SEC22C: variants seen among roughly 807,000 people sequenced by gnomAD.
The protein encoded by SEC22C is SEC22 homolog C, vesicle trafficking protein.
In SEC22C, 29 loss-of-function variants were observed where a neutral mutation model predicts 34.7. The ratio of observed to expected loss-of-function variants is 0.84; its 90% CI spans 0.62 to 1.14. The LOEUF is 1.14. Ranked by LOEUF, SEC22C falls within the 50% of genes most tolerant of loss-of-function variation. The pLI, the probability that SEC22C is intolerant of heterozygous loss-of-function variation, is 0.00. For missense variants in SEC22C, 337 were observed against 369.0 expected (o/e 0.91, Z 0.71); for synonymous variants, 117 against 132.8 (o/e 0.88, Z 0.82).
Position 42,552,861 on chromosome 3 carries a change from AGTGGTTCC to A in SEC22C, c.*379_*386del, listed in dbSNP as rs979373694. On this transcript the variant is annotated 3_prime_UTR_variant, in exon 7 of 7. Transcript: ENST00000264454. ...GACTGAAAGCTGATTTGGATTTTAAAGTGGTTCCTTGGAGACAACTCTCAATGACTAAA... is the reference window on the plus strand; with the variant it reads ...GACTGAAAGCTGATTTGGATTTTAAATTGGAGACAACTCTCAATGACTAAA... 19 of 1,027,388 alleles carry A rather than the reference AGTGGTTCC, an allele frequency of 1.8e-5. 1 individual carries two copies. The Admixed American group carries it at 1.0e-3, about 54-fold the overall frequency. 63.6% of individuals were successfully genotyped at this position (1,027,388 alleles called of 1,614,324 possible).
intron 2 of SEC22C, among the ~76,000 whole-genome samples, chr3:42,567,103 G>T (rs1559520880): frequency 6.6e-6 from 1 of 152,086 alleles, no homozygotes; most frequent in African/African-American, 2.4e-5. Context: ...TAGAGATGGG[G>T]TCTTATCATA....
Position 42,553,100 on chromosome 3 carries a change from G to C in SEC22C, c.*148C>G. The C allele has an allele frequency of 1.4e-6, 2 of 1,446,906 alleles. No homozygotes were observed. The highest frequency in any genetic ancestry group is 1.8e-6 in the Non-Finnish European group (2 of 1,107,406). The allele number at this position is 1,446,906 out of a possible 1,614,324, so 89.6% of individuals were successfully genotyped here. A position where few individuals can be genotyped will look rare whatever the true frequency, so the allele number is the denominator to read the frequency against. On this transcript the variant is annotated 3_prime_UTR_variant, in exon 7 of 7. Coordinates refer to ENST00000264454, the MANE Select transcript of SEC22C (RefSeq NM_032970.4). The stretch of plus-strand genomic sequence containing the variant: ...ATCAAGCAACCTCATGACTTCCACT[G>C]CAACTGTTTAACATCCCCAATTCCT...
At chr3:42,560,287 T>G (rs1702821452) in intron 4 of SEC22C, among the ~76,000 whole-genome samples, 1 of 148,246 alleles carries the variant, frequency 6.7e-6, no homozygotes, top group Non-Finnish European at 1.5e-5. Context: ...AACTTGTAGT[T>G]CTGTCAGAAC....
chr3:42,575,459 AT>A (rs1703901553), intron 1 of SEC22C, among the ~76,000 whole-genome samples: 1 of 152,236 alleles, frequency 6.6e-6, no homozygotes, highest in African/African-American at 2.4e-5. Flanking sequence ...GCAAACATTA[AT>A]CAAAAGAAGC....
Position 42,548,598 on chromosome 3 carries a change from G to C in SEC22C, c.*4650C>G, listed in dbSNP as rs917314121. 1 of 1,613,460 alleles carries C rather than the reference G, an allele frequency of 6.2e-7. No homozygotes were observed. Among genetic ancestry groups the C allele is most frequent in the Admixed American group, 1.7e-5 (1 of 60,018 alleles). Reference sequence around the variant, plus strand: ...GGGAGAATCAGAGCTCTCCTCATTTGGGTCAGGGGTGGCTGGCTCACGAGG... The same window carrying C: ...GGGAGAATCAGAGCTCTCCTCATTTCGGTCAGGGGTGGCTGGCTCACGAGG... On this transcript the variant is annotated 3_prime_UTR_variant, in exon 7 of 7. Coordinates refer to ENST00000264454, the MANE Select transcript of SEC22C (RefSeq NM_032970.4).
At position 42,550,868 on chromosome 3, in the gene SEC22C, C is replaced by A; in HGVS notation, c.*2380G>T. 5.5e-6 allele frequency: 5 copies of A among 914,056 alleles called. No individual in the cohort carries two copies. The highest frequency in any genetic ancestry group is 6.4e-6 in the Non-Finnish European group (5 of 783,880). The allele number at this position is 914,056 out of a possible 1,614,324, so 56.6% of individuals were successfully genotyped here. A position where few individuals can be genotyped will look rare whatever the true frequency, so the allele number is the denominator to read the frequency against. On this transcript the variant is annotated 3_prime_UTR_variant, in exon 7 of 7. Transcript: ENST00000264454. Reference sequence around the variant, plus strand: ...TCCATTTTTAAGCCGTTCTTACCGACTTTTTTTTTTTTTTTTTTTGAGACG... The same window carrying A: ...TCCATTTTTAAGCCGTTCTTACCGAATTTTTTTTTTTTTTTTTTTGAGACG...
chr3:42,560,180 AAT>A (rs1226758345), intron 4 of SEC22C, among the ~76,000 whole-genome samples: 45 of 145,102 alleles, frequency 3.1e-4, no homozygotes, highest in African/African-American at 1.1e-3. Flanking sequence ...TTTTATATAT[AAT>A]ATATATATTA....
chr3:42,553,518 C>T, intron 6 of SEC22C, 70 bp from the exon 7 acceptor site: 1 of 1,550,128 alleles, frequency 6.5e-7, no homozygotes, highest in Non-Finnish European at 8.7e-7. Flanking sequence ...CAAAATTCAC[C>T]TCCCACAGCT....
chr3:42,588,792 C>A (rs1051101091), intron 1 of SEC22C, among the ~76,000 whole-genome samples: 1 of 152,096 alleles, frequency 6.6e-6, no homozygotes, highest in African/African-American at 2.4e-5. Context: ...AGACCTGTAT[C>A]CTGCTCCTGA....
chr3:42,561,399 G>T (rs1048260331), intron 3 of SEC22C, 103 bp from the exon 4 acceptor site: 1 of 1,201,718 alleles, frequency 8.3e-7, no homozygotes, highest in East Asian at 2.5e-5. Context: ...TGAAGATAGG[G>T]TCTCACTGTC....
rs1224261797 is a variant in SEC22C at position 42,549,944 on chromosome 3, C to G, written c.*3304G>C. ...GCTGCAGGCAGTGGGGCCTCTGGTACTGAGAGGGAATGCCACCCGAATATG... is the reference window on the plus strand; with the variant it reads ...GCTGCAGGCAGTGGGGCCTCTGGTAGTGAGAGGGAATGCCACCCGAATATG... On this transcript the variant is annotated 3_prime_UTR_variant, in exon 7 of 7. Coordinates refer to ENST00000264454, the MANE Select transcript of SEC22C (RefSeq NM_032970.4). 1.0e-6 allele frequency: 1 copy of G among 985,374 alleles called. No individual in the cohort carries two copies. The highest frequency in any genetic ancestry group is 6.1e-5 in the Admixed American group (1 of 16,272). 61.0% of individuals were successfully genotyped at this position (985,374 alleles called of 1,614,324 possible). A position where few individuals can be genotyped will look rare whatever the true frequency, so the allele number is the denominator to read the frequency against.
chr3:42,565,318 T>C (rs1436899514), intron 2 of SEC22C, among the ~76,000 whole-genome samples: 1 of 152,216 alleles, frequency 6.6e-6, no homozygotes, highest in African/African-American at 2.4e-5. Flanking sequence ...TACCAACTTT[T>C]TGAAACTGTA....
rs57043867 is a variant in SEC22C, at chr3:42,552,987, T to A, written c.*261A>T. 2,281 of 1,275,700 alleles carry A rather than the reference T, an allele frequency of 1.8e-3. 29 individuals carry two copies. In the African/African-American group the frequency reaches 0.032, roughly 18 times the overall value. The allele number at this position is 1,275,700 out of a possible 1,614,324, so 79.0% of individuals were successfully genotyped here. ...CTCTTCCAATAAAGCTCTTTCTGGA[T>A]GAGCCCCCAGATCCAGCTGTCCTAG... is the stretch of plus-strand genomic sequence containing the variant. On this transcript the variant is annotated 3_prime_UTR_variant, in exon 7 of 7. Transcript: ENST00000264454.
chr3:42,569,836 C>T (rs1335689612), intron 1 of SEC22C, among the ~76,000 whole-genome samples: 1 of 152,198 alleles, frequency 6.6e-6, no homozygotes, highest in East Asian at 1.9e-4. Context: ...AAGGATGCCT[C>T]TCTTGGTGGA....
chr3:42,553,359 GTGCAGGTACATGT>G lies in SEC22C; in HGVS notation c.788_800del (p.Asn263ThrfsTer3). On this transcript the variant is annotated frameshift_variant, in exon 7 of 7. Transcript: ENST00000264454. LOFTEE classifies it high-confidence loss of function. ...GGATTTGCCAGAGGTTCCTCAGCCCGTGCAGGTACATGTTGCCCAGGCAAATAAAGAGCAGCAT... is the reference window on the plus strand; with the variant it reads ...GGATTTGCCAGAGGTTCCTCAGCCCGTGCCCAGGCAAATAAAGAGCAGCAT... 1 of 1,614,122 alleles carries G rather than the reference GTGCAGGTACATGT, an allele frequency of 6.2e-7. No individual in the cohort carries two copies. The highest frequency in any genetic ancestry group is 8.5e-7 in the Non-Finnish European group (1 of 1,180,024).
Position 42,551,186 on chromosome 3 carries a change from C to T in SEC22C, c.*2062G>A. 4 of 985,372 alleles carry T rather than the reference C, an allele frequency of 4.1e-6. No individual in the cohort carries two copies. The highest frequency in any genetic ancestry group is 4.8e-6 in the Non-Finnish European group (4 of 829,926). 61.0% of individuals were successfully genotyped at this position (985,372 alleles called of 1,614,324 possible). On this transcript the variant is annotated 3_prime_UTR_variant, in exon 7 of 7. Transcript: ENST00000264454. ...TCTCATTTAAAACATTTTACCTCCC[C>T]TCCTTAACTTCCCATTCTATTTCAC... is the stretch of plus-strand genomic sequence containing the variant.
In SEC22C at chr3:42,551,134, T is replaced by A; in HGVS notation, c.*2114A>T. On this transcript the variant is annotated 3_prime_UTR_variant, in exon 7 of 7. Coordinates refer to ENST00000264454, the MANE Select transcript of SEC22C (RefSeq NM_032970.4). ...TGCCCACCTCAGCTTCCCAAAGTGT[T>A]ATTGACTTTTAAAGCTTTTTTGTTC... 1.0e-6 allele frequency: 1 copy of A among 985,360 alleles called. No homozygotes were observed. The highest frequency in any genetic ancestry group is 1.2e-6 in the Non-Finnish European group (1 of 829,908). The allele number at this position is 985,360 out of a possible 1,614,324, so 61.0% of individuals were successfully genotyped here.
At position 42,549,246 on chromosome 3, in the gene SEC22C, T is replaced by C; in HGVS notation, c.*4002A>G. 1.0e-6 allele frequency: 1 copy of C among 986,504 alleles called. No individual in the cohort carries two copies. The highest frequency in any genetic ancestry group is 4.7e-5 in the South Asian group (1 of 21,336). 61.1% of individuals were successfully genotyped at this position (986,504 alleles called of 1,614,324 possible). A position where few individuals can be genotyped will look rare whatever the true frequency, so the allele number is the denominator to read the frequency against. On this transcript the variant is annotated 3_prime_UTR_variant, in exon 7 of 7. Transcript: ENST00000264454. ...TGAACAGGGGCTTGCCAGGCACATC[T>C]GATCACCATAAATGCTCCCACCCCT...
At chr3:42,572,260 C>G (rs1472713812) in intron 1 of SEC22C, among the ~76,000 whole-genome samples, 4 of 149,532 alleles carry the variant, frequency 2.7e-5, no homozygotes, top group Admixed American at 2.7e-4. Context: ...TCTCTCCAGT[C>G]AAAAAAACTA....
Sources: allele counts gnomAD v4.1 joint callset (sites outside exome capture counted in the v4.1 genomes callset), GRCh38; gene constraint gnomAD v4.1.1; transcripts MANE v1.5; gene names NCBI Gene and HGNC (gene_info 2026-07-23, HGNC 2026-07-21).